Variants in ARHGAP8 observed in about 807,000 individuals in gnomAD.
The protein encoded by ARHGAP8 is rho GTPase-activating protein 8.
Under a neutral mutation model 46.1 loss-of-function variants are expected in ARHGAP8, and 62 were observed. That is an observed-to-expected ratio of 1.34 (90% confidence interval 1.10 to 1.66). The LOEUF (loss-of-function observed/expected upper bound fraction) is 1.66, where lower values mean the gene tolerates loss of function less well. Among genes scored for constraint, ARHGAP8 ranks in the 40% most tolerant of loss-of-function variants. ARHGAP8 has a pLI of 0.00. For missense variants in ARHGAP8, 923 were observed against 568.4 expected, an observed-to-expected ratio of 1.62 and a Z score of -6.34; for synonymous variants, 375 against 243.1, an observed-to-expected ratio of 1.54 and a Z score of -5.05.
chr22:44,834,726 A>T (rs1295214731), intron 7 of ARHGAP8, among the ~76,000 whole-genome samples: 1 of 152,114 alleles, frequency 6.6e-6, no homozygotes, highest in Non-Finnish European at 1.5e-5. Context: ...TATCATTTTA[A>T]AATTATTTAT....
intron 7 of ARHGAP8, among the ~76,000 whole-genome samples, 186 bp downstream of exon 7, chr22:44,825,779 G>C (rs934011173): frequency 3.5e-4 from 52 of 149,686 alleles, no homozygotes; most frequent in African/African-American, 2.5e-5. Context: ...GGTTGGGGGG[G>C]CGCGTGCTCG....
chr22:44,840,268 G>T (rs1350197685), intron 7 of ARHGAP8, among the ~76,000 whole-genome samples: 1 of 152,200 alleles, frequency 6.6e-6, no homozygotes. Context: ...GATTCTGGAG[G>T]TCACAAGTCC....
At chr22:44,833,916 C>G (rs914194887) in intron 7 of ARHGAP8, among the ~76,000 whole-genome samples, 1 of 152,074 alleles carries the variant, frequency 6.6e-6, no homozygotes, top group Admixed American at 6.6e-5. Context: ...TTCATTTCGT[C>G]TAGGTTTTCT....
chr22:44,857,295 C>T (rs909646684), intron 10 of ARHGAP8, among the ~76,000 whole-genome samples: 1 of 152,112 alleles, frequency 6.6e-6, no homozygotes, highest in Non-Finnish European at 1.5e-5. Flanking sequence ...GCTCTCTGTG[C>T]AGCTCCCAGA....
intron 1 of ARHGAP8, among the ~76,000 whole-genome samples, chr22:44,772,253 TCAAGAC>T (rs1926079808): frequency 2.7e-5 from 2 of 73,286 alleles, no homozygotes; most frequent in Non-Finnish European, 5.3e-5. Flanking sequence ...TTTTTTTTTT[TCAAGAC>T]TGAGTCTCTG....
At chr22:44,754,785 C>T (rs779920634) in intron 1 of ARHGAP8, among the ~76,000 whole-genome samples, 4 of 152,068 alleles carry the variant, frequency 2.6e-5, no homozygotes, top group African/African-American at 7.2e-5. Flanking sequence ...AAGGCGGCTT[C>T]GGTTAAAGAG....
rs567821499 is a variant in ARHGAP8 at position 44,851,516 on chromosome 22, T to C, written c.877+2456T>C. Among the ~76,000 whole-genome samples the C allele has an allele frequency of 5.0e-4, 76 of 152,176 alleles. 1 individual carries two copies. Among genetic ancestry groups the C allele is most frequent in the African/African-American group, 1.7e-3 (71 of 41,516 alleles). ...AACCTCCACCTGACATGGGAACCTT[T>C]ATGAAAATGAAGAAAATGAAGACCC... On this transcript the variant is annotated intron_variant, in intron 10 of 11. Coordinates refer to ENST00000356099, the MANE Select transcript of ARHGAP8 (RefSeq NM_181335.3).
At chr22:44,781,122 C>T (rs750687739) in intron 1 of ARHGAP8, among the ~76,000 whole-genome samples, 1 of 152,136 alleles carries the variant, frequency 6.6e-6, no homozygotes, top group Non-Finnish European at 1.5e-5. Flanking sequence ...TTGAAATAAC[C>T]AGAGGCGATC....
At chr22:44,782,451 G>A (rs770617193) in intron 1 of ARHGAP8, among the ~76,000 whole-genome samples, 119 of 152,282 alleles carry the variant, frequency 7.8e-4, no homozygotes, top group Middle Eastern at 3.4e-3. Flanking sequence ...GTTCCAGAAC[G>A]TTTTCATCAC....
At chr22:44,832,658 A>T (rs1184759294) in intron 7 of ARHGAP8, among the ~76,000 whole-genome samples, 2 of 152,044 alleles carry the variant, frequency 1.3e-5, no homozygotes, top group Non-Finnish European at 1.5e-5. Context: ...TTGTGTGTGG[A>T]TTTTTTAGAA....
chr22:44,803,071 A>T lies in ARHGAP8; in HGVS notation c.167+907A>T, dbSNP rs542600705. The stretch of plus-strand genomic sequence containing the variant: ...CTACTGTATGTGAGACTTTGGATAG[A>T]TAGTCACTGTATCAGGGCCCACCTG... On this transcript the variant is annotated intron_variant, in intron 3 of 11. Transcript: ENST00000356099. Among the ~76,000 whole-genome samples, 1,393 of 152,254 alleles carry T rather than the reference A, an allele frequency of 9.1e-3. 16 individuals are homozygous for T. Among genetic ancestry groups the T allele is most frequent in the African/African-American group, 0.03 (1,234 of 41,540 alleles).
At chr22:44,769,629 T>C (rs1925850358) in intron 1 of ARHGAP8, among the ~76,000 whole-genome samples, 1 of 152,226 alleles carries the variant, frequency 6.6e-6, no homozygotes, top group Non-Finnish European at 1.5e-5. Context: ...CTTTACTTTT[T>C]TTCAACAATG....
rs887683954 is a variant in ARHGAP8 at position 44,758,150 on chromosome 22, T to C, written c.-72+5523T>C. Among the ~76,000 whole-genome samples, 3 of 152,254 alleles carry C rather than the reference T, an allele frequency of 2.0e-5. 1 individual carries two copies. Among genetic ancestry groups the C allele is most frequent in the South Asian group, 4.1e-4 (2 of 4,828 alleles). ...CCTGGCTAAAGAGTAACCAGATCTTTCTGTGAAGAGGCATCTGAGGCCGGG... is the reference window on the plus strand; with the variant it reads ...CCTGGCTAAAGAGTAACCAGATCTTCCTGTGAAGAGGCATCTGAGGCCGGG... On this transcript the variant is annotated intron_variant, in intron 1 of 11. Coordinates refer to ENST00000356099, the MANE Select transcript of ARHGAP8 (RefSeq NM_181335.3).
chr22:44,765,799 C>G (rs1390617818), intron 1 of ARHGAP8: 1 of 152,428 alleles, frequency 6.6e-6, no homozygotes, highest in Non-Finnish European at 1.5e-5. Flanking sequence ...TCTTCCTGAC[C>G]AGCTGCCTGC....
At chr22:44,861,991 A>C (rs867972061) in intron 11 of ARHGAP8, among the ~76,000 whole-genome samples, 91 of 152,168 alleles carry the variant, frequency 6.0e-4, no homozygotes, top group African/African-American at 2.0e-3. Flanking sequence ...GCATCTCCCC[A>C]GAAGGTGCAG....
At chr22:44,768,739 C>T (rs1925782856) in intron 1 of ARHGAP8, among the ~76,000 whole-genome samples, 1 of 152,068 alleles carries the variant, frequency 6.6e-6, no homozygotes, top group Admixed American at 6.6e-5. Context: ...CTTCCTGTTG[C>T]AGGAAGGTAT....
At chr22:44,858,048 T>C (rs1402298992) in intron 10 of ARHGAP8, among the ~76,000 whole-genome samples, 2 of 152,272 alleles carry the variant, frequency 1.3e-5, no homozygotes, top group South Asian at 4.2e-4. Flanking sequence ...CCTGGCTCGG[T>C]TGAAATACTC....
intron 3 of ARHGAP8, 49 bp downstream of exon 3, chr22:44,802,213 T>G: frequency 6.2e-7 from 1 of 1,605,280 alleles, no homozygotes; most frequent in Non-Finnish European, 8.5e-7. Context: ...CCATGTTGCT[T>G]GTCCCCATCC....
rs117540754 is a variant in ARHGAP8, at chr22:44,839,214, G to A, written c.597-6055G>A. Among the ~76,000 whole-genome samples, 100 of 152,268 alleles carry A rather than the reference G, an allele frequency of 6.6e-4. 1 individual carries two copies. In the East Asian group the frequency reaches 0.017, roughly 26 times the overall value. ...CCTCCCAGAGAGGAAACCAAGATGGGAAGGAGGCAGGGGGCCAGGTCCGTA... is the reference window on the plus strand; with the variant it reads ...CCTCCCAGAGAGGAAACCAAGATGGAAAGGAGGCAGGGGGCCAGGTCCGTA... On this transcript the variant is annotated intron_variant, in intron 7 of 11. Transcript: ENST00000356099.
Sources: allele counts gnomAD v4.1 joint callset (sites outside exome capture counted in the v4.1 genomes callset), GRCh38; gene constraint gnomAD v4.1.1; transcripts MANE v1.5; gene names NCBI Gene and HGNC (gene_info 2026-07-23, HGNC 2026-07-21).